Variants in COL19A1 observed in about 807,000 individuals in gnomAD.
COL19A1 encodes collagen alpha-1(XIX) chain.
A neutral mutation model predicts 190.2 loss-of-function variants in COL19A1; 159 were observed. The ratio of observed to expected loss-of-function variants is 0.84; its 90% CI spans 0.73 to 0.95. COL19A1 has a LOEUF of 0.95. COL19A1 is among the 40% of genes least tolerant of loss of function. The pLI is 0.00. For synonymous variants in COL19A1, 509 were observed against 458.9 expected (o/e 1.11, Z -1.39); for missense variants, 1,418 against 1,431.9 (o/e 0.99, Z 0.16).
intron 4 of COL19A1, among the ~76,000 whole-genome samples, chr6:69,904,304 C>T (rs1347520982): frequency 6.6e-6 from 1 of 152,208 alleles, no homozygotes; most frequent in Non-Finnish European, 1.5e-5. Flanking sequence ...TCCAAACAGT[C>T]CATATTGCTG....
chr6:70,005,528 G>T (rs911208495), intron 11 of COL19A1, among the ~76,000 whole-genome samples: 12 of 152,146 alleles, frequency 7.9e-5, no homozygotes, highest in African/African-American at 2.9e-4. Flanking sequence ...ATGGGTGTCT[G>T]CTCCTTCTTC....
intron 25 of COL19A1, among the ~76,000 whole-genome samples, chr6:70,145,247 T>A (rs1285788658): frequency 6.6e-6 from 1 of 152,166 alleles, no homozygotes; most frequent in East Asian, 1.9e-4. Flanking sequence ...GCAACTCTAT[T>A]CATAGTAGCA....
chr6:69,887,864 G>A (rs1032981005), intron 2 of COL19A1, among the ~76,000 whole-genome samples: 2 of 152,160 alleles, frequency 1.3e-5, no homozygotes, highest in Non-Finnish European at 2.9e-5. Flanking sequence ...ACACAGGAAA[G>A]AGGATGGGCC....
intron 14 of COL19A1, among the ~76,000 whole-genome samples, chr6:70,038,506 T>C (rs866363547): frequency 3.3e-5 from 5 of 152,328 alleles, no homozygotes; most frequent in Middle Eastern, 6.8e-3. Context: ...TAAAGAACTA[T>C]CTCTTTCCGT....
intron 15 of COL19A1, among the ~76,000 whole-genome samples, chr6:70,101,586 T>C (rs909950906): frequency 3.9e-5 from 6 of 152,298 alleles, no homozygotes; most frequent in African/African-American, 9.6e-5. Context: ...TCATTCAGTA[T>C]ATGTAATTAC....
chr6:70,001,734 C>T (rs964999661), intron 11 of COL19A1, among the ~76,000 whole-genome samples: 1 of 152,158 alleles, frequency 6.6e-6, no homozygotes, highest in African/African-American at 2.4e-5. Flanking sequence ...TGAGAATTTG[C>T]TGAAGTGGCT....
At chr6:70,148,038 G>A (rs1323309768) in intron 27 of COL19A1, among the ~76,000 whole-genome samples, 2 of 152,054 alleles carry the variant, frequency 1.3e-5, no homozygotes, top group Non-Finnish European at 2.9e-5. Flanking sequence ...AGGAGCTTCA[G>A]TCCCCACGGA....
chr6:69,889,864 C>T (rs963425393), intron 2 of COL19A1: 1 of 152,250 alleles, frequency 6.6e-6, no homozygotes, highest in African/African-American at 2.4e-5. Flanking sequence ...GCAGTGGCAA[C>T]CTGGTGGGGT....
Position 70,102,160 on chromosome 6 carries a change from G to T in COL19A1, c.1225-9G>T. ...CAGTATTTATCATCTATTCTTCTTTGGTTTCAAGGGAAGACGAGGGAAAAC... is the reference window on the plus strand; with the variant it reads ...CAGTATTTATCATCTATTCTTCTTTTGTTTCAAGGGAAGACGAGGGAAAAC... On this transcript the variant is annotated splice_polypyrimidine_tract_variant and intron_variant, in intron 15 of 50. Coordinates refer to ENST00000620364, the MANE Select transcript of COL19A1 (RefSeq NM_001858.6). The T allele has an allele frequency of 1.2e-6, 2 of 1,610,488 alleles. No homozygotes were observed. Among genetic ancestry groups the T allele is most frequent in the Non-Finnish European group, 1.7e-6 (2 of 1,176,960 alleles).
intron 17 of COL19A1, among the ~76,000 whole-genome samples, chr6:70,129,971 A>G (rs1582984117): frequency 1.3e-5 from 2 of 152,226 alleles, no homozygotes; most frequent in East Asian, 3.9e-4. Flanking sequence ...AAGAAGATGC[A>G]TGGGGTGTCC....
At position 70,066,627 on chromosome 6, in the gene COL19A1, G is replaced by A. The variant is rs1781228819; in HGVS notation, c.1171-1796G>A. On this transcript the variant is annotated intron_variant, in intron 14 of 50. Transcript: ENST00000620364. ...CTATATATATATAAAAGAAAATTTA[G>A]TTTATATGAAAAAAATTAAAAATGA... Among the ~76,000 whole-genome samples the A allele has an allele frequency of 1.3e-5, 2 of 151,326 alleles. 1 individual carries two copies. Among genetic ancestry groups the A allele is most frequent in the South Asian group, 4.2e-4 (2 of 4,808 alleles).
At chr6:69,884,391 A>G (rs1267963031) in intron 2 of COL19A1, among the ~76,000 whole-genome samples, 1 of 152,144 alleles carries the variant, frequency 6.6e-6, no homozygotes, top group East Asian at 1.9e-4. Flanking sequence ...GTTTAACAAA[A>G]GATGTGATGT....
In COL19A1 at chr6:69,946,377, T is replaced by C. The variant is rs1773801669; in HGVS notation, c.936+8277T>C. On this transcript the variant is annotated intron_variant, in intron 9 of 50. Transcript: ENST00000620364. The stretch of plus-strand genomic sequence containing the variant: ...GGCTACAGAATGGGCATATGAGTAA[T>C]GTCAGATTGGAAAGAAAATGAGGGG... Among the ~76,000 whole-genome samples, 4 of 152,152 alleles carry C rather than the reference T, an allele frequency of 2.6e-5. No individual in the cohort carries two copies. In the South Asian group the frequency reaches 8.3e-4, roughly 32 times the overall value.
At chr6:70,090,106 G>A (rs1037485096) in intron 15 of COL19A1, among the ~76,000 whole-genome samples, 1 of 151,896 alleles carries the variant, frequency 6.6e-6, no homozygotes, top group African/African-American at 2.4e-5. Flanking sequence ...AAGCCCACGA[G>A]GTTGAGGCTG....
intron 9 of COL19A1, among the ~76,000 whole-genome samples, chr6:69,942,820 A>G (rs1444342442): frequency 2.7e-5 from 4 of 150,890 alleles, no homozygotes; most frequent in African/African-American, 4.9e-5. Context: ...ACCCATTTTG[A>G]TTCCATGTAT....
intron 11 of COL19A1, among the ~76,000 whole-genome samples, chr6:69,977,681 T>G (rs1775799079): frequency 6.6e-6 from 1 of 152,178 alleles, no homozygotes; most frequent in African/African-American, 2.4e-5. Context: ...CTATTTTTAT[T>G]ATTCTTGCAA....
intron 11 of COL19A1, among the ~76,000 whole-genome samples, chr6:70,003,548 C>A (rs931510319): frequency 1.3e-5 from 2 of 151,974 alleles, no homozygotes; most frequent in African/African-American, 4.8e-5. Context: ...TATGAATCTG[C>A]GTGCTCCTGT....
chr6:70,142,018 T>C lies in COL19A1; in HGVS notation c.1519-5T>C. ...ATTGATCTTTCCTTCCCCCCACGTG[T>C]TTAGGGTGAACCTGGAGATCCCGGA... On this transcript the variant is annotated splice_polypyrimidine_tract_variant and splice_region_variant and intron_variant, in intron 21 of 50. Coordinates refer to ENST00000620364, the MANE Select transcript of COL19A1 (RefSeq NM_001858.6). 6.2e-7 allele frequency: 1 copy of C among 1,612,440 alleles called. No homozygotes were observed. Among genetic ancestry groups the C allele is most frequent in the Non-Finnish European group, 8.5e-7 (1 of 1,178,918 alleles).
chr6:69,987,870 C>T (rs1025667798), intron 11 of COL19A1, among the ~76,000 whole-genome samples: 3 of 152,092 alleles, frequency 2.0e-5, no homozygotes, highest in African/African-American at 7.2e-5. Flanking sequence ...GCTTTCTCAA[C>T]CCAGGGTTAC....
Sources: allele counts gnomAD v4.1 joint callset (sites outside exome capture counted in the v4.1 genomes callset), GRCh38; gene constraint gnomAD v4.1.1; transcripts MANE v1.5; gene names NCBI Gene and HGNC (gene_info 2026-07-23, HGNC 2026-07-21).